COLQ: variants seen among roughly 807,000 people sequenced by gnomAD.
COLQ encodes the protein acetylcholinesterase collagenic tail peptide.
Under a neutral mutation model 69.0 loss-of-function variants are expected in COLQ, and 48 were observed. The ratio of observed to expected loss-of-function variants is 0.70; its 90% CI spans 0.55 to 0.88. The LOEUF is 0.88. Among genes scored for constraint, COLQ ranks in the 40% least tolerant of loss-of-function variants. COLQ has a pLI of 0.00. For synonymous variants in COLQ, 217 were observed against 211.2 expected, an observed-to-expected ratio of 1.03 and a Z score of -0.24; for missense variants, 618 against 594.6, an observed-to-expected ratio of 1.04 and a Z score of -0.41.
intron 3 of COLQ, among the ~76,000 whole-genome samples, chr3:15,482,705 C>G (rs927392628): frequency 1.3e-5 from 2 of 152,200 alleles, no homozygotes; most frequent in Non-Finnish European, 2.9e-5. Context: ...GCTTTGGTAT[C>G]AGGATGATGC....
At chr3:15,494,245 A>G (rs2062712352) in intron 1 of COLQ, among the ~76,000 whole-genome samples, 1 of 152,152 alleles carries the variant, frequency 6.6e-6, no homozygotes, top group South Asian at 2.1e-4. Flanking sequence ...GTGCTGGAGA[A>G]CACTGTGTGC....
chr3:15,461,353 G>C (rs12493896), intron 12 of COLQ, among the ~76,000 whole-genome samples: 30,746 of 151,910 alleles, frequency 0.2, 3,164 homozygotes, highest in African/African-American at 0.24. Flanking sequence ...CACCACTGCA[G>C]TTTCCCTGCA....
At chr3:15,466,536 C>T in intron 11 of COLQ, 99 bp from the exon 12 acceptor site, 1 of 1,019,676 alleles carries the variant, frequency 9.8e-7, no homozygotes, top group Non-Finnish European at 1.5e-6. Flanking sequence ...ACTTAAGGAG[C>T]AAGAGCCCAG....
Position 15,513,253 on chromosome 3 carries a change from C to A in COLQ, c.106+8267G>T, listed in dbSNP as rs902129537. ...CTATAACTGTTACTGTCCAGAGAGG[C>A]GATGGAGGCAAGGAACTGTGTAAGG... is the stretch of plus-strand genomic sequence containing the variant. On this transcript the variant is annotated intron_variant, in intron 1 of 16. Coordinates refer to ENST00000383788, the MANE Select transcript of COLQ (RefSeq NM_005677.4). 3.3e-5 allele frequency among the ~76,000 whole-genome samples: 5 copies of A among 152,154 alleles called. No individual in the cohort carries two copies. The South Asian group carries it at 1.0e-3, about 32-fold the overall frequency.
intron 1 of COLQ, among the ~76,000 whole-genome samples, chr3:15,516,937 T>C (rs1316576495): frequency 6.6e-6 from 1 of 151,878 alleles, no homozygotes. Flanking sequence ...AGGTCAGGAG[T>C]TCGAGACCAG....
Position 15,521,672 on chromosome 3 carries a change from G to A in COLQ, c.-47C>T, listed in dbSNP as rs1003822640. The A allele has an allele frequency of 3.7e-6, 6 of 1,611,776 alleles. No individual in the cohort carries two copies. The highest frequency in any genetic ancestry group is 2.2e-5 in the East Asian group (1 of 44,790). On this transcript the variant is annotated 5_prime_UTR_variant, in exon 1 of 17. Coordinates refer to ENST00000383788, the MANE Select transcript of COLQ (RefSeq NM_005677.4). The stretch of plus-strand genomic sequence containing the variant: ...GTCAAGTTAGAAAGGAGGCTGCTGC[G>A]GAGCCTTGCTTATCTCTGCTTTTCT...
chr3:15,489,751 T>G, intron 1 of COLQ, 114 bp from the exon 2 acceptor site: 1 of 870,340 alleles, frequency 1.1e-6, no homozygotes, highest in Non-Finnish European at 1.9e-6. Context: ...ATCTAATTTC[T>G]AGCCTGTTAG....
intron 12 of COLQ, among the ~76,000 whole-genome samples, chr3:15,462,097 C>T (rs1001649821): frequency 6.6e-6 from 1 of 152,008 alleles, no homozygotes; most frequent in Non-Finnish European, 1.5e-5. Context: ...AGCGAGATCT[C>T]GGCTCACTGT....
At chr3:15,465,411 C>A (rs1334372983) in intron 12 of COLQ, among the ~76,000 whole-genome samples, 1 of 148,380 alleles carries the variant, frequency 6.7e-6, no homozygotes, top group South Asian at 2.1e-4. Flanking sequence ...GGACTATAGG[C>A]GCCCGCCACC....
chr3:15,500,421 C>A (rs1306087186), intron 1 of COLQ, among the ~76,000 whole-genome samples: 2 of 152,144 alleles, frequency 1.3e-5, no homozygotes, highest in Non-Finnish European at 2.9e-5. Flanking sequence ...GGAAGTTTTG[C>A]CACTTTTCAC....
intron 11 of COLQ, among the ~76,000 whole-genome samples, chr3:15,468,399 C>T (rs111902217): frequency 7.2e-4 from 88 of 121,654 alleles, no homozygotes; most frequent in African/African-American, 2.7e-3. Flanking sequence ...GTGGCGTGAT[C>T]TTAGCTCACT....
At chr3:15,472,520 C>G (rs982891443) in intron 10 of COLQ, among the ~76,000 whole-genome samples, 1 of 152,174 alleles carries the variant, frequency 6.6e-6, no homozygotes, top group Non-Finnish European at 1.5e-5. Context: ...AACAAAGCAT[C>G]CCCTTTGCAT....
intron 1 of COLQ, chr3:15,496,284 C>T (rs1372156971): frequency 6.5e-6 from 1 of 154,640 alleles, no homozygotes; most frequent in Non-Finnish European, 1.5e-5. Flanking sequence ...TTTCTGCCCT[C>T]CCCTGACTCC....
chr3:15,474,287 T>A lies in COLQ; in HGVS notation c.556-15A>T, dbSNP rs57376327. On this transcript the variant is annotated splice_polypyrimidine_tract_variant and intron_variant, in intron 8 of 16. Coordinates refer to ENST00000383788, the MANE Select transcript of COLQ (RefSeq NM_005677.4). ...CCTCTGGATCCCTAGGAAGAAACCA[T>A]AGGAGAAAGTCAATGAGTTAATATC... The A allele has an allele frequency of 1.9e-6, 3 of 1,613,588 alleles. No individual in the cohort carries two copies. The highest frequency in any genetic ancestry group is 2.5e-6 in the Non-Finnish European group (3 of 1,179,488).
chr3:15,520,172 G>T lies in COLQ; in HGVS notation c.106+1348C>A, dbSNP rs185643088. 1.3e-4 allele frequency among the ~76,000 whole-genome samples: 20 copies of T among 152,280 alleles called. No homozygotes were observed. In the East Asian group the frequency reaches 3.9e-3, roughly 29 times the overall value. Reference sequence around the variant, plus strand: ...ACTCTCAAGCTTCTCCCTTGAACTGGGGAATGAATAATGACTACTCACTCC... The same window carrying T: ...ACTCTCAAGCTTCTCCCTTGAACTGTGGAATGAATAATGACTACTCACTCC... On this transcript the variant is annotated intron_variant, in intron 1 of 16. Coordinates refer to ENST00000383788, the MANE Select transcript of COLQ (RefSeq NM_005677.4).
intron 6 of COLQ, among the ~76,000 whole-genome samples, chr3:15,475,849 C>CA (rs979653501): frequency 6.6e-6 from 1 of 152,020 alleles, no homozygotes; most frequent in African/African-American, 2.4e-5. Context: ...TCAATACACG[C>CA]AAAAAACATT....
At chr3:15,453,986 C>T in intron 15 of COLQ, 55 bp from the exon 16 acceptor site, 1 of 1,308,614 alleles carries the variant, frequency 7.6e-7, no homozygotes, top group Admixed American at 1.9e-5. Flanking sequence ...GATAGGCTTG[C>T]CTCAGCTTGT....
intron 1 of COLQ, among the ~76,000 whole-genome samples, chr3:15,494,765 T>G (rs1167069888): frequency 1.3e-5 from 2 of 152,164 alleles, no homozygotes; most frequent in South Asian, 2.1e-4. Context: ...CTTGTATCCC[T>G]CTGACCAAAC....
intron 12 of COLQ, among the ~76,000 whole-genome samples, chr3:15,464,138 A>AG (rs11381979): frequency 0.5 from 75,902 of 151,934 alleles, 19,597 homozygotes; most frequent in East Asian, 0.62. Flanking sequence ...ATGAGGAAGG[A>AG]GGGGTCAGGG....
Sources: gnomAD v4.1 joint callset for allele counts (sites outside exome capture counted in the v4.1 genomes callset) on GRCh38, gnomAD v4.1.1 for gene constraint, MANE v1.5 for transcripts, NCBI Gene and HGNC (gene_info 2026-07-23, HGNC 2026-07-21) for gene names.